The following DCDC1 variants were observed in gnomAD, a reference collection of about 807,000 sequenced individuals.
DCDC1 encodes the protein doublecortin domain-containing protein 1.
In DCDC1, 200 loss-of-function variants were observed where a neutral mutation model predicts 178.3. That is an observed-to-expected ratio of 1.12 (90% CI 1.00 to 1.26). The LOEUF (loss-of-function observed/expected upper bound fraction) is 1.26. Among genes scored for constraint, DCDC1 ranks in the 50% most tolerant of loss-of-function variants. The probability of loss-of-function intolerance (pLI) is 0.00; values close to 1 mark genes in which losing one functional copy is unlikely to be tolerated. For missense variants in DCDC1, 1,983 were observed against 1,749.2 expected (o/e 1.13, Z -2.38); for synonymous variants, 690 against 604.8 (o/e 1.14, Z -2.07).
chr11:31,150,463 A>T (rs1965045802), intron 9 of DCDC1, among the ~76,000 whole-genome samples: 1 of 152,202 alleles, frequency 6.6e-6, no homozygotes, highest in Non-Finnish European at 1.5e-5. Flanking sequence ...TAAAAAGGGC[A>T]TATGCCAAAA....
chr11:31,189,484 A>G (rs1229751109), intron 9 of DCDC1, among the ~76,000 whole-genome samples: 1 of 152,174 alleles, frequency 6.6e-6, no homozygotes, highest in Non-Finnish European at 1.5e-5. Flanking sequence ...TGGCTGCTGT[A>G]ACATATCATC....
intron 7 of DCDC1, among the ~76,000 whole-genome samples, chr11:31,269,712 A>T (rs1466303139): frequency 6.6e-6 from 1 of 152,156 alleles, no homozygotes; most frequent in Non-Finnish European, 1.5e-5. Flanking sequence ...CTCAAGTTTT[A>T]GAAACTCTTC....
chr11:31,040,077 T>G (rs2135341099), intron 20 of DCDC1, among the ~76,000 whole-genome samples: 1 of 151,702 alleles, frequency 6.6e-6, no homozygotes, highest in African/African-American at 2.4e-5. Flanking sequence ...GCATTGAAAA[T>G]AATATTGGCT....
chr11:30,943,238 T>C (rs1214438182), intron 21 of DCDC1: 1 of 152,790 alleles, frequency 6.5e-6, no homozygotes, highest in African/African-American at 2.4e-5. Context: ...TGTGTTCGTT[T>C]TGGGAGTCCA....
chr11:30,982,833 C>T (rs1950459449), intron 20 of DCDC1, among the ~76,000 whole-genome samples: 1 of 152,120 alleles, frequency 6.6e-6, no homozygotes, highest in South Asian at 2.1e-4. Flanking sequence ...CGGCCCCATA[C>T]TGAGATGATT....
At chr11:30,896,744 T>C (rs1944250701) in intron 34 of DCDC1, among the ~76,000 whole-genome samples, 1 of 152,246 alleles carries the variant, frequency 6.6e-6, no homozygotes, top group African/African-American at 2.4e-5. Context: ...CACCAATATT[T>C]ATTGAGTATT....
At chr11:31,082,776 TATC>T (rs1392606595) in intron 17 of DCDC1, among the ~76,000 whole-genome samples, 2 of 152,130 alleles carry the variant, frequency 1.3e-5, no homozygotes, top group South Asian at 2.1e-4. Context: ...GGAGGGCTAT[TATC>T]ATGCTTCAGG....
At chr11:31,227,798 GA>G (rs1378552493) in intron 9 of DCDC1, among the ~76,000 whole-genome samples, 1 of 151,982 alleles carries the variant, frequency 6.6e-6, no homozygotes, top group Non-Finnish European at 1.5e-5. Context: ...TTAAAGGATA[GA>G]AAAGTAAAAG....
intron 17 of DCDC1, among the ~76,000 whole-genome samples, chr11:31,088,767 AGTGTAGTG>A: frequency 6.6e-6 from 1 of 152,078 alleles, no homozygotes; most frequent in East Asian, 1.9e-4. Context: ...CTCAGGTTGG[AGTGTAGTG>A]GTGCAATCAT....
intron 6 of DCDC1, among the ~76,000 whole-genome samples, chr11:31,300,773 G>A (rs1948057675): frequency 1.3e-5 from 2 of 152,184 alleles, no homozygotes; most frequent in South Asian, 4.1e-4. Flanking sequence ...AAAGGTAACT[G>A]TTTCATTTTC....
chr11:30,933,773 CA>C, intron 21 of DCDC1, among the ~76,000 whole-genome samples: 1 of 152,240 alleles, frequency 6.6e-6, no homozygotes, highest in South Asian at 2.1e-4. Flanking sequence ...ACTCCTGCCA[CA>C]ATTATAAGAG....
chr11:31,164,182 A>G (rs900104605), intron 9 of DCDC1, among the ~76,000 whole-genome samples: 4 of 152,184 alleles, frequency 2.6e-5, no homozygotes. Context: ...AAGTATAGTC[A>G]TGCTAACAGC....
chr11:31,051,091 A>C (rs1024623594), intron 20 of DCDC1, among the ~76,000 whole-genome samples: 4 of 152,204 alleles, frequency 2.6e-5, no homozygotes, highest in Admixed American at 2.6e-4. Flanking sequence ...ATGATACACG[A>C]AGTGAAGGGA....
chr11:30,990,046 G>T (rs1423200103), intron 20 of DCDC1, among the ~76,000 whole-genome samples: 1 of 152,056 alleles, frequency 6.6e-6, no homozygotes, highest in Non-Finnish European at 1.5e-5. Flanking sequence ...CCCAAAACCT[G>T]CCAAGAAAGA....
At chr11:30,981,291 T>C (rs1950383230) in intron 20 of DCDC1, among the ~76,000 whole-genome samples, 1 of 152,140 alleles carries the variant, frequency 6.6e-6, no homozygotes, top group African/African-American at 2.4e-5. Flanking sequence ...CTCACCACTA[T>C]GCAATATATT....
chr11:30,939,117 C>T (rs1009464033), intron 21 of DCDC1, among the ~76,000 whole-genome samples: 3 of 152,144 alleles, frequency 2.0e-5, no homozygotes, highest in Admixed American at 6.6e-5. Flanking sequence ...ACTACCAAGG[C>T]AGTACTTATA....
chr11:31,180,549 G>T (rs1446527806), intron 9 of DCDC1, among the ~76,000 whole-genome samples: 1 of 152,140 alleles, frequency 6.6e-6, no homozygotes, highest in Non-Finnish European at 1.5e-5. Flanking sequence ...GACCATGGAG[G>T]GTGAGCTGAA....
intron 7 of DCDC1, among the ~76,000 whole-genome samples, chr11:31,284,152 A>C (rs577820830): frequency 3.8e-4 from 58 of 152,266 alleles, no homozygotes; most frequent in African/African-American, 1.4e-3. Flanking sequence ...AGTTGTATAG[A>C]ATGGAATGGC....
At chr11:31,016,750 T>C (rs899051336) in intron 20 of DCDC1, among the ~76,000 whole-genome samples, 8 of 152,130 alleles carry the variant, frequency 5.3e-5, no homozygotes, top group Non-Finnish European at 5.9e-5. Flanking sequence ...GCTTCAAAAA[T>C]AGGGATGCCT....
Sources: allele counts gnomAD v4.1 joint callset (sites outside exome capture counted in the v4.1 genomes callset), GRCh38; gene constraint gnomAD v4.1.1; transcripts MANE v1.5; gene names NCBI Gene and HGNC (gene_info 2026-07-23, HGNC 2026-07-21).